The following CHCHD3 variants were observed in gnomAD, a reference collection of about 807,000 sequenced individuals.
CHCHD3 encodes the protein coiled-coil-helix-coiled-coil-helix domain containing 3.
A neutral mutation model predicts 38.2 loss-of-function variants in CHCHD3; 20 were observed. The observed-to-expected ratio is 0.52, with a 90% CI of 0.37 to 0.76. CHCHD3 has a LOEUF of 0.76. Among genes scored for constraint, CHCHD3 ranks in the 30% least tolerant of loss-of-function variants. The pLI is 0.00. For missense variants in CHCHD3, 245 were observed against 279.2 expected (o/e 0.88, Z 0.87); for synonymous variants, 82 against 100.0 (o/e 0.82, Z 1.07).
At chr7:133,034,945 ACT>A (rs1813620338) in intron 2 of CHCHD3, 1 of 1,602,062 alleles carries the variant, frequency 6.2e-7, no homozygotes, top group Non-Finnish European at 8.5e-7. Context: ...GGGAAGCGAT[ACT>A]CTGAGTACCA....
chr7:132,850,947 T>C (rs888093904), intron 5 of CHCHD3, among the ~76,000 whole-genome samples: 2 of 152,198 alleles, frequency 1.3e-5, no homozygotes, highest in Non-Finnish European at 2.9e-5. Flanking sequence ...TCTTATTTCC[T>C]TTAAATTTCT....
At chr7:132,844,610 G>C (rs1808025626) in intron 5 of CHCHD3, among the ~76,000 whole-genome samples, 1 of 152,108 alleles carries the variant, frequency 6.6e-6, no homozygotes, top group African/African-American at 2.4e-5. Flanking sequence ...CTTTAAAACA[G>C]AAAGTCTTAT....
At chr7:132,842,765 T>G (rs1807972150) in intron 5 of CHCHD3, among the ~76,000 whole-genome samples, 1 of 152,230 alleles carries the variant, frequency 6.6e-6, no homozygotes, top group Non-Finnish European at 1.5e-5. Context: ...TATGCCTTTC[T>G]CCTGCCTGAT....
intron 4 of CHCHD3, among the ~76,000 whole-genome samples, chr7:132,941,775 G>T (rs1051533372): frequency 6.6e-6 from 1 of 152,124 alleles, no homozygotes; most frequent in Non-Finnish European, 1.5e-5. Flanking sequence ...CACAGGACGG[G>T]ATGGGAGATC....
chr7:132,882,984 T>C (rs942902766), intron 5 of CHCHD3, among the ~76,000 whole-genome samples: 33 of 152,090 alleles, frequency 2.2e-4, no homozygotes, highest in African/African-American at 7.7e-4. Context: ...GTTCTTGTGA[T>C]AAGTGAGAGA....
Position 133,076,058 on chromosome 7 carries a change from C to CA in CHCHD3, c.81+5798dup, listed in dbSNP as rs58754100. 7.7e-3 allele frequency among the ~76,000 whole-genome samples: 489 copies of CA among 63,430 alleles called. 7 individuals are homozygous for CA. Among genetic ancestry groups the CA allele is most frequent in the African/African-American group, 9.1e-3 (156 of 17,096 alleles). The allele number at this position is 63,430 out of a possible 152,430, so 41.6% of individuals were successfully genotyped here. ...TGGGCAAGAGAATGAGATTCTATCT[C>CA]AAAAAAAAAAAAAAAAAAAAAAAAA... On this transcript the variant is annotated intron_variant, in intron 1 of 7. Transcript: ENST00000262570.
At chr7:133,009,493 T>C (rs1293757314) in intron 3 of CHCHD3, among the ~76,000 whole-genome samples, 1 of 148,884 alleles carries the variant, frequency 6.7e-6, no homozygotes, top group Non-Finnish European at 1.5e-5. Context: ...CCAGGGAGGC[T>C]GAGGGGGGCA....
At chr7:132,973,879 C>T in intron 4 of CHCHD3, 2 of 1,177,352 alleles carry the variant, frequency 1.7e-6, no homozygotes, top group Non-Finnish European at 2.1e-6. Flanking sequence ...ATTCCATGGT[C>T]CCATTTTCCC....
intron 3 of CHCHD3, among the ~76,000 whole-genome samples, chr7:133,009,969 C>CA (rs1307827099): frequency 3.3e-5 from 5 of 151,806 alleles, no homozygotes; most frequent in Non-Finnish European, 5.9e-5. Context: ...GACCTGAAAC[C>CA]AAAAAAACAC....
chr7:132,793,337 A>G (rs1806514300), intron 7 of CHCHD3, among the ~76,000 whole-genome samples: 1 of 152,202 alleles, frequency 6.6e-6, no homozygotes. Context: ...AAGACACAGG[A>G]CTATGTATCA....
intron 4 of CHCHD3, among the ~76,000 whole-genome samples, chr7:132,906,333 A>C (rs1254354255): frequency 6.6e-6 from 1 of 152,224 alleles, no homozygotes; most frequent in African/African-American, 2.4e-5. Context: ...CGAACAAAAA[A>C]GCCTGTTTGC....
intron 3 of CHCHD3, among the ~76,000 whole-genome samples, chr7:133,008,798 G>C (rs1014967113): frequency 2.0e-5 from 3 of 151,940 alleles, no homozygotes; most frequent in Admixed American, 2.0e-4. Context: ...AACATTTTTT[G>C]TGCAGCTTCC....
At chr7:132,944,719 A>G (rs1006755311) in intron 4 of CHCHD3, among the ~76,000 whole-genome samples, 9 of 152,036 alleles carry the variant, frequency 5.9e-5, no homozygotes, top group Non-Finnish European at 2.9e-5. Context: ...AAAAACAGGA[A>G]TCAAACAGCA....
At chr7:133,018,875 CTTTT>C (rs5887607) in intron 3 of CHCHD3, among the ~76,000 whole-genome samples, 72 of 70,160 alleles carry the variant, frequency 1.0e-3, no homozygotes, top group South Asian at 3.0e-3. Context: ...CATGATTTCT[CTTTT>C]TTTTTTTTTT....
chr7:133,079,300 A>C (rs1010535219), intron 1 of CHCHD3, among the ~76,000 whole-genome samples: 2 of 152,238 alleles, frequency 1.3e-5, no homozygotes, highest in Non-Finnish European at 1.5e-5. Flanking sequence ...ACATTATGTC[A>C]AATTCTCAAA....
intron 2 of CHCHD3, among the ~76,000 whole-genome samples, chr7:133,057,659 T>C (rs534639557): frequency 6.6e-6 from 1 of 152,320 alleles, no homozygotes; most frequent in Admixed American, 6.5e-5. Context: ...TTTTATGTCA[T>C]CACTTTTGTA....
intron 2 of CHCHD3, 36 bp downstream of exon 2, chr7:133,070,106 T>A (rs1814775927): frequency 3.3e-6 from 5 of 1,498,856 alleles, no homozygotes; most frequent in Admixed American, 4.0e-5. Flanking sequence ...TTATAATTTA[T>A]CTCCTAAAAA....
At chr7:132,802,214 C>T (rs1431986760) in intron 6 of CHCHD3, among the ~76,000 whole-genome samples, 2 of 151,898 alleles carry the variant, frequency 1.3e-5, no homozygotes, top group African/African-American at 2.4e-5. Context: ...GGTGGAAAAA[C>T]CTAGGAGAGC....
intron 2 of CHCHD3, among the ~76,000 whole-genome samples, chr7:133,055,667 T>C (rs992430046): frequency 5.3e-5 from 8 of 149,588 alleles, no homozygotes; most frequent in African/African-American, 2.0e-4. Flanking sequence ...TATAATTATA[T>C]GTGTGTGTAT....
Sources: allele counts gnomAD v4.1 joint callset (sites outside exome capture counted in the v4.1 genomes callset), GRCh38; gene constraint gnomAD v4.1.1; transcripts MANE v1.5; gene names NCBI Gene and HGNC (gene_info 2026-07-23, HGNC 2026-07-21).